NFIA: variants seen among roughly 807,000 people sequenced by gnomAD.
NFIA encodes the protein nuclear factor 1 A-type.
A neutral mutation model predicts 62.8 loss-of-function variants in NFIA; 8 were observed. The observed-to-expected ratio is 0.13, with a 90% CI of 0.07 to 0.23. NFIA has a LOEUF of 0.23. Among genes scored for constraint, NFIA ranks in the 10% least tolerant of loss-of-function variants. NFIA has a pLI of 1.00. For missense variants in NFIA, 410 were observed against 642.1 expected, an observed-to-expected ratio of 0.64 and a Z score of 3.91; for synonymous variants, 235 against 238.1, an observed-to-expected ratio of 0.99 and a Z score of 0.12.
In NFIA at chr1:61,277,406, T is replaced by G; in HGVS notation, c.560-114T>G. ...TTTTTTTCATGTCTCATGTCATTTC[T>G]GTAATGTTCCCTTTCTTAGTTTATA... On this transcript the variant is annotated intron_variant, in intron 2 of 10. Transcript: ENST00000403491. The G allele has an allele frequency of 3.4e-6, 3 of 891,956 alleles. No individual in the cohort carries two copies. In the South Asian group the frequency reaches 4.7e-5, roughly 14 times the overall value. 55.3% of individuals were successfully genotyped at this position (891,956 alleles called of 1,614,324 possible).
intron 2 of NFIA, among the ~76,000 whole-genome samples, chr1:61,230,527 C>A (rs1289081742): frequency 6.6e-6 from 1 of 152,198 alleles, no homozygotes; most frequent in African/African-American, 2.4e-5. Context: ...ATGTTTCCTT[C>A]AATTTTAGAC....
intron 2 of NFIA, among the ~76,000 whole-genome samples, chr1:61,200,010 G>GTA (rs60422302): frequency 1.3e-4 from 7 of 52,822 alleles, no homozygotes; most frequent in East Asian, 4.7e-4. Flanking sequence ...ATATATATAT[G>GTA]TATATATATA....
chr1:61,142,821 A>G (rs1647633565), intron 2 of NFIA, among the ~76,000 whole-genome samples: 2 of 152,152 alleles, frequency 1.3e-5, no homozygotes, highest in East Asian at 1.9e-4. Flanking sequence ...GGGCACATGG[A>G]AAGCGCCTGC....
At chr1:61,278,212 A>G (rs981227969) in intron 3 of NFIA, among the ~76,000 whole-genome samples, 2 of 152,234 alleles carry the variant, frequency 1.3e-5, no homozygotes, top group African/African-American at 4.8e-5. Context: ...ATATATGAAT[A>G]TCATAGTATC....
intron 3 of NFIA, among the ~76,000 whole-genome samples, chr1:61,306,800 T>A (rs1659828234): frequency 6.6e-6 from 1 of 152,152 alleles, no homozygotes; most frequent in African/African-American, 2.4e-5. Flanking sequence ...AGTTATTCTA[T>A]AGGAACAGCA....
chr1:61,430,073 T>G (rs1224834878), intron 10 of NFIA, among the ~76,000 whole-genome samples: 1 of 152,186 alleles, frequency 6.6e-6, no homozygotes, highest in African/African-American at 2.4e-5. Context: ...AGATGGTAAA[T>G]GTTACATTGT....
chr1:61,440,500 G>A (rs1667524659), intron 10 of NFIA, among the ~76,000 whole-genome samples: 1 of 152,194 alleles, frequency 6.6e-6, no homozygotes, highest in African/African-American at 2.4e-5. Context: ...ATGGATAACA[G>A]TGATAACGTA....
intron 2 of NFIA, among the ~76,000 whole-genome samples, chr1:61,093,163 T>G (rs762611269): frequency 2.0e-5 from 3 of 152,218 alleles, no homozygotes; most frequent in Non-Finnish European, 2.9e-5. Context: ...ATTCAATATA[T>G]TCTTTTAGCA....
At chr1:61,120,899 G>A (rs1429873716) in intron 2 of NFIA, among the ~76,000 whole-genome samples, 1 of 152,076 alleles carries the variant, frequency 6.6e-6, no homozygotes, top group African/African-American at 2.4e-5. Flanking sequence ...ACTTGAACAC[G>A]GCCATACTTT....
At chr1:61,412,822 A>C (rs1666164476) in intron 9 of NFIA, among the ~76,000 whole-genome samples, 1 of 152,162 alleles carries the variant, frequency 6.6e-6, no homozygotes, top group Non-Finnish European at 1.5e-5. Flanking sequence ...CATGGGACAA[A>C]GCTTTCATTA....
At chr1:61,257,648 C>T (rs544156412) in intron 2 of NFIA, among the ~76,000 whole-genome samples, 13 of 151,782 alleles carry the variant, frequency 8.6e-5, no homozygotes, top group Non-Finnish European at 1.8e-4. Context: ...CTACTGAGTT[C>T]GTAAGTGAAG....
chr1:61,107,411 C>G (rs1646622757), intron 2 of NFIA, among the ~76,000 whole-genome samples: 1 of 151,512 alleles, frequency 6.6e-6, no homozygotes, highest in Non-Finnish European at 1.5e-5. Flanking sequence ...TTTTAATTTG[C>G]ATTTATAATT....
intron 2 of NFIA, among the ~76,000 whole-genome samples, chr1:61,151,400 A>T (rs334705): frequency 2.9e-4 from 43 of 147,118 alleles, no homozygotes; most frequent in Admixed American, 4.0e-4. Flanking sequence ...TTTTTTTCTT[A>T]ATTTTATCAT....
chr1:61,191,366 C>T (rs1213385254), intron 2 of NFIA, among the ~76,000 whole-genome samples: 2 of 152,084 alleles, frequency 1.3e-5, no homozygotes, highest in Non-Finnish European at 2.9e-5. Context: ...CAGGCTTCAC[C>T]GTGACCTGAG....
chr1:61,113,648 A>G (rs1646746409), intron 2 of NFIA, among the ~76,000 whole-genome samples: 1 of 151,980 alleles, frequency 6.6e-6, no homozygotes, highest in African/African-American at 2.4e-5. Context: ...CTGAAAGAGA[A>G]TTTATGCTGA....
chr1:61,119,742 T>A (rs1646856918), intron 2 of NFIA, among the ~76,000 whole-genome samples: 3 of 152,206 alleles, frequency 2.0e-5, no homozygotes, highest in Admixed American at 6.5e-5. Flanking sequence ...AGTGTTTGCT[T>A]GCCTTCTTGG....
intron 2 of NFIA, among the ~76,000 whole-genome samples, chr1:61,156,207 G>A (rs1288790102): frequency 6.6e-6 from 1 of 152,150 alleles, no homozygotes; most frequent in Non-Finnish European, 1.5e-5. Context: ...GGACCTAAGA[G>A]GTTATCTCCT....
intron 2 of NFIA, among the ~76,000 whole-genome samples, chr1:61,271,650 T>A (rs143082357): frequency 1.3e-5 from 2 of 152,086 alleles, no homozygotes; most frequent in Admixed American, 1.3e-4. Flanking sequence ...GAATCAGGAG[T>A]AGAGGAGATG....
At chr1:61,082,233 G>A, upstream of NFIA, 1 of 536,960 alleles carries the variant, frequency 1.9e-6, no homozygotes, top group Non-Finnish European at 3.1e-6. Context: ...GAGCGGGAGA[G>A]CGAGCAAGCG....
Sources: allele counts gnomAD v4.1 joint callset (sites outside exome capture counted in the v4.1 genomes callset), GRCh38; gene constraint gnomAD v4.1.1; transcripts MANE v1.5; gene names NCBI Gene and HGNC (gene_info 2026-07-23, HGNC 2026-07-21).